The following SDCCAG8 variants were observed in gnomAD, a reference collection of about 807,000 sequenced individuals.
SDCCAG8 encodes serologically defined colon cancer antigen 8.
In SDCCAG8, 74 loss-of-function variants were observed where a neutral mutation model predicts 101.8. That is an observed-to-expected ratio of 0.73 (90% CI 0.60 to 0.88). SDCCAG8 has a LOEUF of 0.88. Among genes scored for constraint, SDCCAG8 ranks in the 40% least tolerant of loss-of-function variants. The probability of loss-of-function intolerance (pLI) is 0.00; values close to 1 mark genes in which losing one functional copy is unlikely to be tolerated. For synonymous variants in SDCCAG8, 281 were observed against 292.9 expected, an observed-to-expected ratio of 0.96 and a Z score of 0.41; for missense variants, 787 against 822.6, an observed-to-expected ratio of 0.96 and a Z score of 0.53.
At chr1:243,459,819 G>C (rs1658694465) in intron 16 of SDCCAG8, among the ~76,000 whole-genome samples, 1 of 152,078 alleles carries the variant, frequency 6.6e-6, no homozygotes, top group African/African-American at 2.4e-5. Context: ...TGCCCAGGCT[G>C]GTCTTGAACT....
At chr1:243,291,594 A>G (rs2070275064) in intron 5 of SDCCAG8, among the ~76,000 whole-genome samples, 1 of 152,200 alleles carries the variant, frequency 6.6e-6, no homozygotes, top group Non-Finnish European at 1.5e-5. Context: ...TTTACTGAAG[A>G]TAAATATTTT....
rs2066616836 is a variant in SDCCAG8 at position 243,256,051 on chromosome 1, C to T, written c.-123C>T. 2 of 890,858 alleles carry T rather than the reference C, an allele frequency of 2.2e-6. No individual in the cohort carries two copies. The highest frequency in any genetic ancestry group is 3.8e-6 in the Non-Finnish European group (2 of 522,242). The allele number at this position is 890,858 out of a possible 1,614,324, so 55.2% of individuals were successfully genotyped here. On this transcript the variant is annotated 5_prime_UTR_variant, in exon 1 of 18. Coordinates refer to ENST00000366541, the MANE Select transcript of SDCCAG8 (RefSeq NM_006642.5). The stretch of plus-strand genomic sequence containing the variant: ...AGAGCTCTGTGCGGGATTCTAGGCT[C>T]CCCTGTGACAGCCGCGGCAGGAAGC...
chr1:243,353,565 T>C (rs1429682029), intron 12 of SDCCAG8, among the ~76,000 whole-genome samples: 1 of 145,330 alleles, frequency 6.9e-6, no homozygotes, highest in Non-Finnish European at 1.5e-5. Flanking sequence ...TTTATTTGGT[T>C]AGAAGGTTCA....
intron 10 of SDCCAG8, among the ~76,000 whole-genome samples, chr1:243,331,890 T>G (rs2074624373): frequency 6.6e-6 from 1 of 152,200 alleles, no homozygotes; most frequent in Non-Finnish European, 1.5e-5. Context: ...GAAGTAGATG[T>G]TACACAAATG....
At chr1:243,334,539 C>G (rs566930157) in intron 10 of SDCCAG8, among the ~76,000 whole-genome samples, 14 of 152,150 alleles carry the variant, frequency 9.2e-5, no homozygotes, top group Admixed American at 6.5e-4. Flanking sequence ...TGCCCTCTGC[C>G]TAGAGGAGTC....
intron 16 of SDCCAG8, among the ~76,000 whole-genome samples, chr1:243,453,288 C>T (rs1390699458): frequency 6.6e-6 from 1 of 152,148 alleles, no homozygotes; most frequent in African/African-American, 2.4e-5. Context: ...TGGTAAATTA[C>T]ACTCTTCTTG....
chr1:243,442,195 G>A (rs767333562), intron 16 of SDCCAG8, among the ~76,000 whole-genome samples: 4 of 152,110 alleles, frequency 2.6e-5, no homozygotes, highest in Non-Finnish European at 4.4e-5. Context: ...AGTGTTTCTT[G>A]AGATTGAGGA....
At chr1:243,491,846 G>C (rs182994105) in intron 17 of SDCCAG8, among the ~76,000 whole-genome samples, 9 of 152,326 alleles carry the variant, frequency 5.9e-5, no homozygotes, top group African/African-American at 2.2e-4. Flanking sequence ...TCATGTCCGG[G>C]TTAGAGATGG....
intron 15 of SDCCAG8, among the ~76,000 whole-genome samples, chr1:243,421,857 C>T (rs1187195143): frequency 6.6e-6 from 1 of 152,152 alleles, no homozygotes; most frequent in Non-Finnish European, 1.5e-5. Flanking sequence ...GTAAACGGAG[C>T]TATTTAAATA....
rs1171124979 is a variant in SDCCAG8 at position 243,270,227 on chromosome 1, G to A, written c.190G>A (p.Ala64Thr). The A allele has an allele frequency of 1.4e-5, 23 of 1,614,020 alleles. No individual in the cohort carries two copies. Among genetic ancestry groups the A allele is most frequent in the Non-Finnish European group, 1.9e-5 (22 of 1,180,004 alleles). ...TGTGGGAAATGAGGACGCCAGGACA[G>A]CCTGGCCCGAATTACAACAGAGCCA... is the stretch of plus-strand genomic sequence containing the variant. Reference protein sequence around the residue: ...TSVGNEDARTAWPELQQSHAV... With the variant: ...TSVGNEDARTTWPELQQSHAV... The change falls in exon 2 of 18, where the codon GCC becomes ACC. Residue 64 changes from alanine to threonine, a missense_variant. Transcript: ENST00000366541.
At position 243,500,057 on chromosome 1, in the gene SDCCAG8, T is replaced by C. The variant is rs754820382; in HGVS notation, c.*272T>C. On this transcript the variant is annotated 3_prime_UTR_variant, in exon 18 of 18. Transcript: ENST00000366541. The stretch of plus-strand genomic sequence containing the variant: ...ATCTGCTCATTCGTATGCTAGGTTA[T>C]ACATATGATTTTCAATAAATGAACT... 3.0e-5 allele frequency: 14 copies of C among 462,690 alleles called. No individual in the cohort carries two copies. Among genetic ancestry groups the C allele is most frequent in the Non-Finnish European group, 5.3e-5 (14 of 261,728 alleles). 28.7% of individuals were successfully genotyped at this position (462,690 alleles called of 1,614,324 possible).
At chr1:243,283,510 C>A (rs1296379703) in intron 4 of SDCCAG8, among the ~76,000 whole-genome samples, 1 of 150,356 alleles carries the variant, frequency 6.7e-6, no homozygotes, top group Non-Finnish European at 1.5e-5. Flanking sequence ...TATTGCACTT[C>A]TTTTTTGGAA....
intron 4 of SDCCAG8, among the ~76,000 whole-genome samples, chr1:243,278,820 G>A (rs2068787803): frequency 6.6e-6 from 1 of 151,854 alleles, no homozygotes; most frequent in African/African-American, 2.4e-5. Context: ...TCTTGCTGGA[G>A]TGCACAGGCT....
intron 9 of SDCCAG8, among the ~76,000 whole-genome samples, chr1:243,317,779 C>T (rs1040557467): frequency 9.2e-5 from 14 of 152,106 alleles, no homozygotes; most frequent in African/African-American, 3.1e-4. Context: ...CACCGTAATC[C>T]GTTAAAGTTG....
chr1:243,346,770 A>T (rs1166337807), intron 12 of SDCCAG8, among the ~76,000 whole-genome samples: 1 of 152,136 alleles, frequency 6.6e-6, no homozygotes, highest in Non-Finnish European at 1.5e-5. Flanking sequence ...GCCTCAGAGG[A>T]TGCTTCTTGC....
At chr1:243,339,800 T>C (rs1232487972) in intron 10 of SDCCAG8, among the ~76,000 whole-genome samples, 1 of 152,242 alleles carries the variant, frequency 6.6e-6, no homozygotes, top group Non-Finnish European at 1.5e-5. Flanking sequence ...TGATTTAAGT[T>C]ATAAAACTGA....
intron 10 of SDCCAG8, 135 bp downstream of exon 10, chr1:243,330,827 T>A (rs1558306009): frequency 1.3e-6 from 1 of 798,324 alleles, no homozygotes; most frequent in Non-Finnish European, 2.0e-6. Context: ...TTAAATTTCG[T>A]ATAATTTAGA....
intron 12 of SDCCAG8, among the ~76,000 whole-genome samples, chr1:243,365,566 T>C (rs186740578): frequency 6.6e-5 from 10 of 152,264 alleles, no homozygotes; most frequent in African/African-American, 2.2e-4. Flanking sequence ...TTTGTGATAG[T>C]AGAAAAGTAA....
chr1:243,309,919 A>T (rs2072554007), intron 8 of SDCCAG8, among the ~76,000 whole-genome samples: 4 of 152,010 alleles, frequency 2.6e-5, no homozygotes, highest in Admixed American at 2.6e-4. Context: ...GCTGGAGTGC[A>T]GTGGCGCAAT....
Sources: gnomAD v4.1 joint callset for allele counts (sites outside exome capture counted in the v4.1 genomes callset) on GRCh38, gnomAD v4.1.1 for gene constraint, MANE v1.5 for transcripts, NCBI Gene and HGNC (gene_info 2026-07-23, HGNC 2026-07-21) for gene names.